Variants in RPS6KA2 observed in about 807,000 individuals in gnomAD.
The protein encoded by RPS6KA2 is ribosomal protein S6 kinase A2, also known as ribosomal protein S6 kinase alpha-2.
In RPS6KA2, 42 loss-of-function variants were observed where a neutral mutation model predicts 91.8. The observed-to-expected ratio is 0.46, with a 90% CI of 0.36 to 0.59. RPS6KA2 has a LOEUF of 0.59. Ranked by LOEUF, RPS6KA2 falls within the 20% of genes least tolerant of loss-of-function variation. The pLI is 0.00. For missense variants in RPS6KA2, 798 were observed against 978.5 expected, an observed-to-expected ratio of 0.82 and a Z score of 2.46; for synonymous variants, 414 against 393.6, an observed-to-expected ratio of 1.05 and a Z score of -0.61.
intron 12 of RPS6KA2, among the ~76,000 whole-genome samples, chr6:166,458,796 A>C (rs888852583): frequency 1.3e-5 from 2 of 152,202 alleles, no homozygotes; most frequent in Non-Finnish European, 2.9e-5. Context: ...CTGTTGTTTA[A>C]ACCACACAGT....
At chr6:166,630,024 G>A (rs1787024703), upstream of RPS6KA2, among the ~76,000 whole-genome samples, 1 of 152,102 alleles carries the variant, frequency 6.6e-6, no homozygotes, top group Admixed American at 6.6e-5. Context: ...AGAGATGAAT[G>A]AGAAGCCAAT....
At chr6:166,653,057 C>T (rs1340332270) in intron 2 of RPS6KA2, among the ~76,000 whole-genome samples, 7 of 152,178 alleles carry the variant, frequency 4.6e-5, no homozygotes, top group African/African-American at 1.7e-4. Flanking sequence ...TTTTTCTCTC[C>T]TAATGATTTT....
chr6:166,840,636 T>C (rs1780446669), intron 2 of RPS6KA2, among the ~76,000 whole-genome samples: 1 of 152,080 alleles, frequency 6.6e-6, no homozygotes, highest in African/African-American at 2.4e-5. Context: ...CCAGGAGGCT[T>C]AACTAATCAC....
chr6:166,444,342 A>C (rs1173541000), intron 14 of RPS6KA2, among the ~76,000 whole-genome samples: 1 of 152,164 alleles, frequency 6.6e-6, no homozygotes, highest in Non-Finnish European at 1.5e-5. Flanking sequence ...CCGTCATGCT[A>C]TTTTGAAGCC....
At chr6:166,608,138 A>C (rs1786020699) in intron 1 of RPS6KA2, among the ~76,000 whole-genome samples, 1 of 152,174 alleles carries the variant, frequency 6.6e-6, no homozygotes, top group Non-Finnish European at 1.5e-5. Flanking sequence ...TACTCAGGAC[A>C]GATTTGGAAT....
chr6:166,534,221 C>CAAAAA (rs34585369), intron 2 of RPS6KA2, among the ~76,000 whole-genome samples: 17 of 59,342 alleles, frequency 2.9e-4, no homozygotes, highest in Non-Finnish European at 3.0e-4. Flanking sequence ...GACTCTGTCT[C>CAAAAA]AAAAAAAAAA....
chr6:166,593,616 C>G (rs1785427214), intron 1 of RPS6KA2, among the ~76,000 whole-genome samples: 1 of 151,276 alleles, frequency 6.6e-6, no homozygotes, highest in African/African-American at 2.4e-5. Flanking sequence ...TGACGTGCGT[C>G]AAAACATTCC....
At position 166,498,490 on chromosome 6, in the gene RPS6KA2, G is replaced by C; in HGVS notation, c.747+18C>G. 1 of 1,597,374 alleles carries C rather than the reference G, an allele frequency of 6.3e-7. No homozygotes were observed. Among genetic ancestry groups the C allele is most frequent in the Non-Finnish European group, 8.5e-7 (1 of 1,174,132 alleles). Reference sequence around the variant, plus strand: ...GGAACAGCCGCCATGGCACAGAAGAGGGTCGGGGCAGGCTCACCATGAGCA... The same window carrying C: ...GGAACAGCCGCCATGGCACAGAAGACGGTCGGGGCAGGCTCACCATGAGCA... On this transcript the variant is annotated intron_variant, in intron 8 of 20. Transcript: ENST00000265678.
chr6:166,754,328 G>T (rs1048953534), intron 2 of RPS6KA2, among the ~76,000 whole-genome samples: 1 of 152,208 alleles, frequency 6.6e-6, no homozygotes, highest in Non-Finnish European at 1.5e-5. Context: ...AAGAGAGGGG[G>T]CCAAGCCCTG....
At chr6:166,475,815 C>T (rs775992022) in intron 10 of RPS6KA2, 41 of 531,058 alleles carry the variant, frequency 7.7e-5, no homozygotes, top group South Asian at 9.8e-5. Flanking sequence ...GCAACTCACA[C>T]GGGGGCAGAG....
intron 2 of RPS6KA2, among the ~76,000 whole-genome samples, chr6:166,654,389 C>T (rs780394682): frequency 6.6e-5 from 10 of 152,102 alleles, no homozygotes; most frequent in Admixed American, 3.3e-4. Flanking sequence ...GCCCCACTGC[C>T]GGCCGGGTGA....
Position 166,494,746 on chromosome 6 carries a change from G to A in RPS6KA2, c.747+3762C>T, listed in dbSNP as rs1781722524. Among the ~76,000 whole-genome samples, 2 of 152,194 alleles carry A rather than the reference G, an allele frequency of 1.3e-5. No individual in the cohort carries two copies. Among genetic ancestry groups the A allele is most frequent in the South Asian group, 2.1e-4 (1 of 4,830 alleles). ...GCATCCTTCCTTCCAGGTCTGGGGAGGGCACTTGTGGATGCTGCTCCTCGG... is the reference window on the plus strand; with the variant it reads ...GCATCCTTCCTTCCAGGTCTGGGGAAGGCACTTGTGGATGCTGCTCCTCGG... On this transcript the variant is annotated intron_variant, in intron 8 of 20. Coordinates refer to ENST00000265678, the MANE Select transcript of RPS6KA2 (RefSeq NM_021135.6). This position sits in a 1 kb window ranked among gnomAD's most constrained non-coding sequence, Gnocchi z 5.1.
chr6:166,433,759 G>A lies in RPS6KA2; in HGVS notation c.1333-1269C>T, dbSNP rs917426915. ...AGAGCTTTGCATAAAACTCTATTTC[G>A]TTAATTTTTTTTGGAGACAGGGTCT... On this transcript the variant is annotated intron_variant, in intron 14 of 20. Transcript: ENST00000265678. The surrounding 1 kb of genome is among the most constrained non-coding windows in gnomAD (Gnocchi z 4.4). Among the ~76,000 whole-genome samples, 3 of 152,128 alleles carry A rather than the reference G, an allele frequency of 2.0e-5. No individual in the cohort carries two copies. Among genetic ancestry groups the A allele is most frequent in the East Asian group, 1.9e-4 (1 of 5,176 alleles).
intron 14 of RPS6KA2, among the ~76,000 whole-genome samples, chr6:166,444,872 C>T (rs550832691): frequency 6.6e-6 from 1 of 152,320 alleles, no homozygotes; most frequent in South Asian, 2.1e-4. Flanking sequence ...CTAGCTGTCA[C>T]TTCCCACAAC....
chr6:166,530,064 A>G (rs1271350848), intron 3 of RPS6KA2, among the ~76,000 whole-genome samples: 1 of 152,174 alleles, frequency 6.6e-6, no homozygotes, highest in East Asian at 1.9e-4. Flanking sequence ...TTCCCAACAT[A>G]TATCTCATTT....
chr6:166,555,667 G>C (rs143950302), intron 1 of RPS6KA2, among the ~76,000 whole-genome samples: 1 of 151,976 alleles, frequency 6.6e-6, no homozygotes, highest in Non-Finnish European at 1.5e-5. Context: ...ACTCCTGTGT[G>C]CATCGGGCAA....
chr6:166,666,909 T>C lies in RPS6KA2; in HGVS notation c.124-128125A>G, dbSNP rs1397291324. On this transcript the variant is annotated intron_variant, in intron 2 of 21. Coordinates refer to the RPS6KA2 transcript ENST00000503859. The surrounding 1 kb of genome is among the most constrained non-coding windows in gnomAD (Gnocchi z 4.0). ...GATGGATGGGTAGCAGAGTGCGGTGTAGGCACACAATGGAAGGAAATGACG... is the reference window on the plus strand; with the variant it reads ...GATGGATGGGTAGCAGAGTGCGGTGCAGGCACACAATGGAAGGAAATGACG... 6.6e-6 allele frequency among the ~76,000 whole-genome samples: 1 copy of C among 152,136 alleles called. No individual in the cohort carries two copies. Among genetic ancestry groups the C allele is most frequent in the African/African-American group, 2.4e-5 (1 of 41,428 alleles).
At chr6:166,506,530 G>C (rs1782231460) in intron 5 of RPS6KA2, among the ~76,000 whole-genome samples, 2 of 152,180 alleles carry the variant, frequency 1.3e-5, no homozygotes, top group Admixed American at 1.3e-4. Flanking sequence ...GCAAAGGAAG[G>C]GGCCAGACGC....
upstream of RPS6KA2, among the ~76,000 whole-genome samples, chr6:166,628,288 G>A (rs1345311047): frequency 6.6e-6 from 1 of 152,204 alleles, no homozygotes; most frequent in Non-Finnish European, 1.5e-5. Flanking sequence ...CGTGCAGCCT[G>A]CTCTGTTTTC....
Sources: gnomAD v4.1 joint callset for allele counts (sites outside exome capture counted in the v4.1 genomes callset) on GRCh38, gnomAD v4.1.1 for gene constraint, Gnocchi (gnomAD v3.1) non-coding constraint, MANE v1.5 for transcripts, NCBI Gene and HGNC (gene_info 2026-07-23, HGNC 2026-07-21) for gene names.